Variants in ST7 observed in about 807,000 individuals in gnomAD.
ST7 encodes the protein suppressor of tumorigenicity 7 protein.
In ST7, 28 loss-of-function variants were observed where a neutral mutation model predicts 78.7. The ratio of observed to expected loss-of-function variants is 0.36; its 90% CI spans 0.26 to 0.49. The LOEUF is 0.49. Among genes scored for constraint, ST7 ranks in the 20% least tolerant of loss-of-function variants. The probability of loss-of-function intolerance (pLI) is 0.99; values close to 1 mark genes in which losing one functional copy is unlikely to be tolerated. For missense variants in ST7, 418 were observed against 696.0 expected, an observed-to-expected ratio of 0.60 and a Z score of 4.49; for synonymous variants, 247 against 249.6, an observed-to-expected ratio of 0.99 and a Z score of 0.10.
intron 10 of ST7, among the ~76,000 whole-genome samples, chr7:117,183,517 T>C (rs1040134079): frequency 6.6e-6 from 1 of 152,122 alleles, no homozygotes; most frequent in African/African-American, 2.4e-5. Flanking sequence ...TTTTCACTTA[T>C]GTATATACCC....
intron 2 of ST7, among the ~76,000 whole-genome samples, chr7:117,113,370 C>A (rs1056154168): frequency 6.6e-6 from 1 of 152,036 alleles, no homozygotes; most frequent in Non-Finnish European, 1.5e-5. Flanking sequence ...TTCATTTTAA[C>A]AGACACACAG....
intron 1 of ST7, among the ~76,000 whole-genome samples, chr7:117,005,732 T>TA (rs1795128466): frequency 6.6e-6 from 1 of 152,084 alleles, no homozygotes; most frequent in South Asian, 2.1e-4. Context: ...TGTTTCTGCT[T>TA]AAAAAAATGT....
At chr7:117,104,156 G>T (rs1019479503) in intron 2 of ST7, among the ~76,000 whole-genome samples, 13 of 152,028 alleles carry the variant, frequency 8.6e-5, no homozygotes, top group African/African-American at 3.1e-4. Flanking sequence ...AGAAGAAAGG[G>T]TGTGGTAGGT....
intron 10 of ST7, among the ~76,000 whole-genome samples, chr7:117,173,116 G>T (rs1808120367): frequency 6.6e-6 from 1 of 152,132 alleles, no homozygotes; most frequent in Non-Finnish European, 1.5e-5. Flanking sequence ...TTCTTTTGTT[G>T]CAAATGGACA....
intron 1 of ST7, among the ~76,000 whole-genome samples, chr7:117,023,699 A>C (rs1263559471): frequency 6.6e-6 from 1 of 152,106 alleles, no homozygotes; most frequent in Non-Finnish European, 1.5e-5. Context: ...AGAATACTTT[A>C]GGTGTAAGAA....
rs60073797 is a variant in ST7, at chr7:117,190,680, C to T, written c.1152-154C>T. Among the ~76,000 whole-genome samples, 325 of 152,244 alleles carry T rather than the reference C, an allele frequency of 2.1e-3. 2 individuals carry two copies. The highest frequency in any genetic ancestry group is 7.5e-3 in the African/African-American group (312 of 41,540). On this transcript the variant is annotated intron_variant, in intron 11 of 15. Coordinates refer to ENST00000323984, the MANE Select transcript of ST7 (RefSeq NM_001369598.1). This position sits in a 1 kb window ranked among gnomAD's most constrained non-coding sequence, Gnocchi z 5.2. The stretch of plus-strand genomic sequence containing the variant: ...GCTGGGGTTTTTGCTGGCCTCGGTC[C>T]GTGGGGTCACTCAGAGGTTCCATGC...
chr7:117,097,908 A>ATATATATATTTTTTT, intron 1 of ST7, among the ~76,000 whole-genome samples: 1 of 30,012 alleles, frequency 3.3e-5, no homozygotes, highest in African/African-American at 1.6e-4. Flanking sequence ...ATATATATAT[A>ATATATATATTTTTTT]TTTTTTTTTT....
At chr7:117,091,505 A>AAGAC (rs1402432382) in intron 1 of ST7, among the ~76,000 whole-genome samples, 1 of 152,216 alleles carries the variant, frequency 6.6e-6, no homozygotes, top group Non-Finnish European at 1.5e-5. Context: ...CACATTTGCA[A>AAGAC]AGACAGTTAC....
At chr7:117,068,125 A>G (rs1026291967) in intron 1 of ST7, among the ~76,000 whole-genome samples, 1 of 152,220 alleles carries the variant, frequency 6.6e-6, no homozygotes, top group Non-Finnish European at 1.5e-5. Context: ...GGGCAACATC[A>G]TATGTTATTG....
chr7:117,212,044 T>G (rs1792339977), intron 13 of ST7, among the ~76,000 whole-genome samples: 1 of 152,164 alleles, frequency 6.6e-6, no homozygotes, highest in Non-Finnish European at 1.5e-5. Context: ...CAGGTAACTG[T>G]GATCCCAGCC....
At chr7:117,090,828 G>A (rs1220372995) in intron 1 of ST7, 1 of 167,078 alleles carries the variant, frequency 6.0e-6, no homozygotes, top group Non-Finnish European at 1.5e-5. Flanking sequence ...TGTCCTTGAG[G>A]GTTATTAAGG....
At chr7:116,982,432 C>T (rs1351359495) in intron 1 of ST7, among the ~76,000 whole-genome samples, 1 of 152,108 alleles carries the variant, frequency 6.6e-6, no homozygotes, top group East Asian at 1.9e-4. Flanking sequence ...CCATGTCGGT[C>T]AGGCTGGTCT....
At chr7:117,204,827 GTC>G (rs1170525883) in intron 12 of ST7, among the ~76,000 whole-genome samples, 2 of 152,164 alleles carry the variant, frequency 1.3e-5, no homozygotes, top group East Asian at 3.8e-4. Flanking sequence ...GTGTGGTTGT[GTC>G]TGTTTTTGAT....
At chr7:117,128,430 G>A (rs1804052159) in intron 3 of ST7, 1 of 151,706 alleles carries the variant, frequency 6.6e-6, no homozygotes, top group South Asian at 2.1e-4. Flanking sequence ...AGTTTCACAA[G>A]AACAAAATTC....
At chr7:117,065,288 A>C (rs1476754052) in intron 1 of ST7, among the ~76,000 whole-genome samples, 2 of 149,636 alleles carry the variant, frequency 1.3e-5, no homozygotes, top group Non-Finnish European at 1.5e-5. Flanking sequence ...CGCTCACTGC[A>C]ATCTCCACCT....
chr7:117,200,610 G>A (rs1810734757), intron 12 of ST7, among the ~76,000 whole-genome samples: 1 of 152,092 alleles, frequency 6.6e-6, no homozygotes, highest in African/African-American at 2.4e-5. Context: ...AGTCCCAGAG[G>A]GTACCGAGGG....
chr7:117,104,575 A>G (rs777498337), intron 2 of ST7, among the ~76,000 whole-genome samples: 2 of 152,268 alleles, frequency 1.3e-5, no homozygotes, highest in Non-Finnish European at 2.9e-5. Flanking sequence ...TCAAAAAGCT[A>G]GAAATTGAAA....
chr7:117,009,320 T>A (rs987466301), intron 1 of ST7, among the ~76,000 whole-genome samples: 2 of 151,592 alleles, frequency 1.3e-5, no homozygotes, highest in African/African-American at 4.8e-5. Context: ...GACTATTTTT[T>A]ATGACTTTCT....
At chr7:116,974,448 C>T (rs374212912) in intron 1 of ST7, among the ~76,000 whole-genome samples, 6 of 151,968 alleles carry the variant, frequency 3.9e-5, no homozygotes, top group African/African-American at 7.2e-5. Context: ...TCTGCCACCA[C>T]GCCCAGCTAA....
Sources: allele counts gnomAD v4.1 joint callset (sites outside exome capture counted in the v4.1 genomes callset), GRCh38; gene constraint gnomAD v4.1.1; non-coding constraint Gnocchi (gnomAD v3.1); transcripts MANE v1.5; gene names NCBI Gene and HGNC (gene_info 2026-07-23, HGNC 2026-07-21).